The following LRP1B variants were observed in gnomAD, a reference collection of about 807,000 sequenced individuals.
The protein encoded by LRP1B is LDL receptor related protein 1B, also known as low-density lipoprotein receptor-related protein 1B.
In LRP1B, 217 loss-of-function variants were observed where a neutral mutation model predicts 556.6. The ratio of observed to expected loss-of-function variants is 0.39; its 90% confidence interval spans 0.35 to 0.44. The LOEUF is 0.44. LRP1B is among the 20% of genes least tolerant of loss of function. The pLI is 1.00. For missense variants in LRP1B, 5,053 were observed against 5,620.8 expected, an observed-to-expected ratio of 0.90 and a Z score of 3.23; for synonymous variants, 2,047 against 1,865.8, an observed-to-expected ratio of 1.10 and a Z score of -2.50.
intron 2 of LRP1B, among the ~76,000 whole-genome samples, chr2:141,488,451 C>T (rs547490839): frequency 7.2e-5 from 11 of 152,016 alleles, no homozygotes; most frequent in Non-Finnish European, 7.4e-5. Flanking sequence ...GTAAAGCCTG[C>T]TACTAACTCC....
Position 141,994,203 on chromosome 2 carries a change from T to C in LRP1B, c.82+136445A>G, listed in dbSNP as rs376300166. ...TCTTCTATTTTCCAGAGAGTTGTAG[T>C]TGTTTGCTAAGTACCCTCCAGGTAG... On this transcript the variant is annotated intron_variant, in intron 1 of 90. Transcript: ENST00000389484. 7.2e-5 allele frequency among the ~76,000 whole-genome samples: 11 copies of C among 152,280 alleles called. 1 individual carries two copies. In the South Asian group the frequency reaches 2.3e-3, roughly 32 times the overall value.
chr2:141,743,561 T>G (rs1481625942), intron 2 of LRP1B, among the ~76,000 whole-genome samples: 1 of 150,312 alleles, frequency 6.7e-6, no homozygotes, highest in African/African-American at 2.4e-5. Flanking sequence ...TTTAAATGTT[T>G]GGTAGAATTC....
chr2:140,516,738 T>G, intron 50 of LRP1B, 151 bp downstream of exon 50: 1 of 738,184 alleles, frequency 1.4e-6, no homozygotes, highest in Non-Finnish European at 2.1e-6. Flanking sequence ...GTTTTAATTT[T>G]AATCTTTACC....
At chr2:140,847,979 C>T (rs1692327566) in intron 29 of LRP1B, among the ~76,000 whole-genome samples, 1 of 151,870 alleles carries the variant, frequency 6.6e-6, no homozygotes. Context: ...TACCAGATAC[C>T]AGTTCATAAT....
intron 2 of LRP1B, among the ~76,000 whole-genome samples, chr2:141,791,501 T>C (rs1034594650): frequency 2.0e-5 from 3 of 152,054 alleles, no homozygotes; most frequent in Non-Finnish European, 4.4e-5. Flanking sequence ...CTTTTAACAT[T>C]TTTGCTGGAT....
intron 1 of LRP1B, among the ~76,000 whole-genome samples, chr2:141,850,236 T>C (rs910440463): frequency 4.0e-5 from 6 of 151,618 alleles, no homozygotes; most frequent in Non-Finnish European, 5.9e-5. Context: ...ATGCTTTTTT[T>C]CCCCCATGGT....
intron 2 of LRP1B, among the ~76,000 whole-genome samples, chr2:141,538,209 C>T (rs1343956552): frequency 2.0e-5 from 3 of 152,058 alleles, no homozygotes; most frequent in South Asian, 4.1e-4. Context: ...TTTTTGCAGG[C>T]TCCAGTCTTT....
chr2:142,115,546 T>TATATATATTAC (rs1707179567), intron 1 of LRP1B, among the ~76,000 whole-genome samples: 1 of 37,280 alleles, frequency 2.7e-5, no homozygotes, highest in African/African-American at 8.0e-5. Flanking sequence ...ACATATGTAA[T>TATATATATTAC]ATATATATTA....
At chr2:141,989,054 T>G (rs1211360059) in intron 1 of LRP1B, among the ~76,000 whole-genome samples, 1 of 152,104 alleles carries the variant, frequency 6.6e-6, no homozygotes, top group Non-Finnish European at 1.5e-5. Flanking sequence ...TGAAACTTCT[T>G]TATCCACTCC....
chr2:141,381,802 T>C (rs555711700), intron 3 of LRP1B, among the ~76,000 whole-genome samples: 1 of 152,084 alleles, frequency 6.6e-6, no homozygotes, highest in Admixed American at 6.6e-5. Context: ...AATCTGTCCT[T>C]CAAAAGGAAA....
chr2:140,760,713 C>T (rs953459477), intron 35 of LRP1B, among the ~76,000 whole-genome samples: 1 of 152,026 alleles, frequency 6.6e-6, no homozygotes, highest in African/African-American at 2.4e-5. Flanking sequence ...GGAAAAAACC[C>T]TGTCTCTATT....
At chr2:141,690,117 C>T (rs928140362) in intron 2 of LRP1B, among the ~76,000 whole-genome samples, 9 of 151,482 alleles carry the variant, frequency 5.9e-5, no homozygotes, top group African/African-American at 1.9e-4. Flanking sequence ...ACAAGAATTG[C>T]TGTATCAATG....
chr2:140,895,520 G>GAACTCCCAA (rs530232307), intron 23 of LRP1B, among the ~76,000 whole-genome samples: 82 of 152,242 alleles, frequency 5.4e-4, no homozygotes, highest in Admixed American at 5.0e-3. Flanking sequence ...GGCAGGAGCA[G>GAACTCCCAA]AACTCCGTGT....
chr2:141,160,996 T>C (rs1680008242), intron 7 of LRP1B, among the ~76,000 whole-genome samples: 1 of 152,086 alleles, frequency 6.6e-6, no homozygotes, highest in Admixed American at 6.6e-5. Context: ...AATGTTATCA[T>C]TAGGGAAAGC....
intron 3 of LRP1B, among the ~76,000 whole-genome samples, chr2:141,373,203 G>A (rs1315554274): frequency 6.6e-6 from 1 of 151,958 alleles, no homozygotes; most frequent in Non-Finnish European, 1.5e-5. Context: ...TGGTCTGGAA[G>A]GTGAAATCAC....
chr2:141,741,448 C>A (rs1229975745), intron 2 of LRP1B, among the ~76,000 whole-genome samples: 2 of 151,812 alleles, frequency 1.3e-5, no homozygotes, highest in African/African-American at 4.8e-5. Flanking sequence ...TTCTCCACTT[C>A]CTTGCCAGCA....
At position 141,956,840 on chromosome 2, in the gene LRP1B, C is replaced by T. The variant is rs142867177; in HGVS notation, c.83-146439G>A. Among the ~76,000 whole-genome samples the T allele has an allele frequency of 5.4e-3, 826 of 152,020 alleles. 7 individuals carry two copies. The highest frequency in any genetic ancestry group is 0.015 in the South Asian group (73 of 4,816). ...CCCTCTACCATATCTTTTCAGTTCT[C>T]AGCATAAAAAAATCAAAAGCAGAAT... On this transcript the variant is annotated intron_variant, in intron 1 of 90. Transcript: ENST00000389484.
intron 1 of LRP1B, among the ~76,000 whole-genome samples, chr2:141,817,533 T>C (rs1336876401): frequency 6.6e-6 from 1 of 152,060 alleles, no homozygotes; most frequent in Non-Finnish European, 1.5e-5. Context: ...TAGCCATAGC[T>C]GAAAAAAATG....
At chr2:141,016,865 C>T (rs890670260) in intron 12 of LRP1B, among the ~76,000 whole-genome samples, 2 of 152,044 alleles carry the variant, frequency 1.3e-5, no homozygotes, top group African/African-American at 4.8e-5. Flanking sequence ...CCCCTGCCTC[C>T]CCCATTTTGT....
Sources: gnomAD v4.1 joint callset for allele counts (sites outside exome capture counted in the v4.1 genomes callset) on GRCh38, gnomAD v4.1.1 for gene constraint, MANE v1.5 for transcripts, NCBI Gene and HGNC (gene_info 2026-07-23, HGNC 2026-07-21) for gene names.